The following FUBP1 variants were observed in gnomAD, a reference collection of about 807,000 sequenced individuals.
FUBP1 encodes far upstream element-binding protein 1.
FUBP1 carries 16 observed loss-of-function variants against 94.9 expected under a neutral mutation model. The observed-to-expected ratio is 0.17, with a 90% confidence interval of 0.11 to 0.26. FUBP1 has a LOEUF of 0.26. Ranked by LOEUF, FUBP1 falls within the 10% of genes least tolerant of loss-of-function variation. The pLI is 1.00. For synonymous variants in FUBP1, 279 were observed against 254.9 expected, an observed-to-expected ratio of 1.09 and a Z score of -0.90; for missense variants, 583 against 808.6, an observed-to-expected ratio of 0.72 and a Z score of 3.38.
chr1:77,957,143 ATTTTCAATGAAG>A (rs971858947), intron 16 of FUBP1, among the ~76,000 whole-genome samples: 7 of 152,208 alleles, frequency 4.6e-5, no homozygotes, highest in African/African-American at 1.7e-4. Flanking sequence ...CTTTGTCCTT[ATTTTCAATGAAG>A]AGAAAATATA....
intron 1 of FUBP1, among the ~76,000 whole-genome samples, chr1:77,970,876 C>T (rs1657396523): frequency 6.6e-6 from 1 of 152,012 alleles, no homozygotes; most frequent in South Asian, 2.1e-4. Flanking sequence ...GAAACTCCAT[C>T]TCTACTAAAT....
chr1:77,971,894 AC>A (rs1224522529), intron 1 of FUBP1, among the ~76,000 whole-genome samples: 1 of 150,926 alleles, frequency 6.6e-6, no homozygotes, highest in African/African-American at 2.4e-5. Flanking sequence ...TCACCCAGCT[AC>A]TCGGGAGGCT....
rs932592410 is a variant in FUBP1, at chr1:77,979,005, G to A, written c.-1C>T. 4 of 1,610,928 alleles carry A rather than the reference G, an allele frequency of 2.5e-6. No individual in the cohort carries two copies. The highest frequency in any genetic ancestry group is 1.3e-5 in the African/African-American group (1 of 74,950). ...GAGGCACTGTTGAATAGTCTGCCAT[G>A]GTTGCACTATAAGAGCCGCTGCCGC... On this transcript the variant is annotated 5_prime_UTR_variant, in exon 1 of 20. Transcript: ENST00000370768.
chr1:77,976,762 G>C (rs1390956383), intron 1 of FUBP1, among the ~76,000 whole-genome samples: 2 of 152,142 alleles, frequency 1.3e-5, no homozygotes, highest in African/African-American at 2.4e-5. Flanking sequence ...CAAAGTGCTG[G>C]GACTACAGGC....
Position 77,967,637 on chromosome 1 carries a change from G to T in FUBP1, c.280C>A (p.Gln94Lys). Reference protein sequence around the residue: ...SFGTQLPPMHQQQSRSVMTEE... With the variant: ...SFGTQLPPMHKQQSRSVMTEE... ...ATCTTGTGACTATACCTTTGCTGCT[G>T]ATGCATCGGTGGTAACTGTGTTCCA... The change falls in exon 4 of 20, where the codon CAG becomes AAG. Residue 94 changes from glutamine to lysine, a missense_variant. Physicochemically the swap from Gln to Lys is moderately conservative, Grantham distance 53. Coordinates refer to ENST00000370768, the MANE Select transcript of FUBP1 (RefSeq NM_003902.5). The T allele has an allele frequency of 1.9e-6, 3 of 1,593,506 alleles. No homozygotes were observed. The South Asian group carries it at 3.4e-5, about 18-fold the overall frequency.
At chr1:77,949,378 G>A (rs1558016842) in intron 18 of FUBP1, 78 bp from the exon 19 acceptor site, 5 of 1,154,156 alleles carry the variant, frequency 4.3e-6, no homozygotes, top group Non-Finnish European at 6.3e-6. Flanking sequence ...ACAATACCTT[G>A]CTTCTTGTAA....
chr1:77,963,754 GA>G (rs764941037), intron 12 of FUBP1, 39 bp from the exon 13 acceptor site: 14 of 1,533,684 alleles, frequency 9.1e-6, no homozygotes, highest in African/African-American at 1.4e-5. Flanking sequence ...AGTCAGCACA[GA>G]AATACTTTTG....
Position 77,945,616 on chromosome 1 carries a change from G to T in FUBP1, c.*3150C>A. The T allele has an allele frequency of 4.7e-6, 1 of 213,242 alleles. No homozygotes were observed. The highest frequency in any genetic ancestry group is 2.3e-5 in the African/African-American group (1 of 44,376). 13.2% of individuals were successfully genotyped at this position (213,242 alleles called of 1,614,324 possible). On this transcript the variant is annotated 3_prime_UTR_variant, in exon 20 of 20. Transcript: ENST00000370768. ...CTCAGGACCTGATTTTATGAGCTAT[G>T]ATTTGGTGCTTGCAGCATCTTCAGC...
intron 14 of FUBP1, among the ~76,000 whole-genome samples, chr1:77,962,210 A>T (rs1432488291): frequency 6.6e-6 from 1 of 152,140 alleles, no homozygotes; most frequent in Non-Finnish European, 1.5e-5. Context: ...AGAATCACCC[A>T]AACATCTATG....
At chr1:77,951,395 A>G (rs996435967) in intron 18 of FUBP1, among the ~76,000 whole-genome samples, 2 of 152,242 alleles carry the variant, frequency 1.3e-5, no homozygotes, top group African/African-American at 4.8e-5. Flanking sequence ...TCCAATCTTA[A>G]AAGATGTTCA....
intron 18 of FUBP1, among the ~76,000 whole-genome samples, chr1:77,949,810 C>T (rs964764284): frequency 1.3e-5 from 2 of 152,110 alleles, no homozygotes; most frequent in African/African-American, 4.8e-5. Context: ...GTATTAAGAC[C>T]TAGCCAAGAC....
rs1193064664 is a variant in FUBP1, at chr1:77,956,566, A to G, written c.1705+6T>C. 1.2e-6 allele frequency: 2 copies of G among 1,610,392 alleles called. No individual in the cohort carries two copies. The highest frequency in any genetic ancestry group is 1.7e-6 in the Non-Finnish European group (2 of 1,176,930). ...GGCTTTCACATACAATAAGTTCTGT[A>G]GTTACCTTGTCCATTAGTTTGAGTT... On this transcript the variant is annotated splice_donor_region_variant and intron_variant, in intron 17 of 19. Transcript: ENST00000370768.
At chr1:77,955,567 A>C (rs1654290284) in intron 17 of FUBP1, 2 of 406,252 alleles carry the variant, frequency 4.9e-6, no homozygotes, top group African/African-American at 2.1e-5. Flanking sequence ...TGAACATATA[A>C]GTAAATGCAT....
intron 1 of FUBP1, among the ~76,000 whole-genome samples, chr1:77,974,206 G>A (rs576582951): frequency 2.5e-4 from 37 of 150,750 alleles, no homozygotes; most frequent in African/African-American, 8.8e-4. Context: ...CGCGATCTCG[G>A]TTCACTGCAA....
upstream of FUBP1, chr1:77,979,211 G>C: frequency 1.8e-6 from 1 of 554,638 alleles, no homozygotes; most frequent in African/African-American, 1.9e-5. Flanking sequence ...AGAACGACAG[G>C]AACAGAGACG....
chr1:77,973,188 T>C (rs1197178649), intron 1 of FUBP1, among the ~76,000 whole-genome samples: 8 of 152,152 alleles, frequency 5.3e-5, no homozygotes, highest in African/African-American at 1.7e-4. Context: ...GTACTTGAAC[T>C]CAACATATTC....
At chr1:77,949,336 A>G in intron 18 of FUBP1, 36 bp from the exon 19 acceptor site, 1 of 1,570,386 alleles carries the variant, frequency 6.4e-7, no homozygotes, top group Non-Finnish European at 8.7e-7. Flanking sequence ...TGTAACCACA[A>G]TTATAAGCCC....
At chr1:77,958,895 A>G (rs1286098021) in intron 16 of FUBP1, among the ~76,000 whole-genome samples, 1 of 152,190 alleles carries the variant, frequency 6.6e-6, no homozygotes, top group Non-Finnish European at 1.5e-5. Flanking sequence ...TCATTCTCCA[A>G]AAATTAGTTG....
chr1:77,948,856 TAAGA>T (rs1367186952), intron 19 of FUBP1, 82 bp from the exon 20 acceptor site: 1 of 1,583,746 alleles, frequency 6.3e-7, no homozygotes, highest in African/African-American at 1.3e-5. Flanking sequence ...GTGAATCCTT[TAAGA>T]AAGAAAAAGT....
Sources: allele counts gnomAD v4.1 joint callset (sites outside exome capture counted in the v4.1 genomes callset), GRCh38; gene constraint gnomAD v4.1.1; transcripts MANE v1.5; gene names NCBI Gene and HGNC (gene_info 2026-07-23, HGNC 2026-07-21).